Variants in LMO2 observed in about 807,000 individuals in gnomAD.
LMO2 encodes rhombotin-2.
Under a neutral mutation model 23.2 loss-of-function variants are expected in LMO2, and 20 were observed. The ratio of observed to expected loss-of-function variants is 0.86; its 90% CI spans 0.61 to 1.25. The LOEUF (loss-of-function observed/expected upper bound fraction) is 1.25, where lower values mean the gene tolerates loss of function less well. Ranked by LOEUF, LMO2 falls within the 50% of genes most tolerant of loss-of-function variation. The pLI, the probability that LMO2 is intolerant of heterozygous loss-of-function variation, is 0.00. For synonymous variants in LMO2, 123 were observed against 130.2 expected, an observed-to-expected ratio of 0.94 and a Z score of 0.38; for missense variants, 270 against 315.3, an observed-to-expected ratio of 0.86 and a Z score of 1.09.
chr11:33,866,985 G>C (rs990360599), intron 4 of LMO2, among the ~76,000 whole-genome samples: 1 of 152,096 alleles, frequency 6.6e-6, no homozygotes, highest in African/African-American at 2.4e-5. Flanking sequence ...ACAGCCCATG[G>C]TCTTACTCTG....
chr11:33,891,387 A>G (rs1305689830), intron 1 of LMO2, among the ~76,000 whole-genome samples: 5 of 44,212 alleles, frequency 1.1e-4, no homozygotes, highest in African/African-American at 3.4e-4. Flanking sequence ...ACACACACAC[A>G]CATGCACACA....
chr11:33,891,381 ACACACACATG>A (rs1012431506), intron 1 of LMO2, among the ~76,000 whole-genome samples: 1 of 126,842 alleles, frequency 7.9e-6, no homozygotes, highest in African/African-American at 3.1e-5. Flanking sequence ...ACACACACAC[ACACACACATG>A]CACACACACT....
In LMO2 at chr11:33,871,517, A is replaced by G. The variant is rs920266044; in HGVS notation, c.-271-1530T>C. 4.3e-5 allele frequency among the ~76,000 whole-genome samples: 6 copies of G among 139,968 alleles called. No homozygotes were observed. The East Asian group carries it at 1.3e-3, about 31-fold the overall frequency. The allele number at this position is 139,968 out of a possible 152,430, so 91.8% of individuals were successfully genotyped here. On this transcript the variant is annotated intron_variant, in intron 2 of 5. Transcript: ENST00000257818. ...CAGGAGGTTGAGGCTGCAGTGAGCC[A>G]TGATCGCACCATTGCCCCCCAGTCT...
In LMO2 at chr11:33,859,982, T is replaced by A. The variant is rs1856510921; in HGVS notation, c.465-407A>T. On this transcript the variant is annotated intron_variant, in intron 5 of 5. Coordinates refer to ENST00000257818, the MANE Select transcript of LMO2 (RefSeq NM_005574.4). ...TGGAGAGAGACCCTAGGGGCCCCTT[T>A]GAGAGGGTACTGACCAGGAATGCAA... Among the ~76,000 whole-genome samples the A allele has an allele frequency of 3.3e-5, 5 of 152,076 alleles. No homozygotes were observed. The South Asian group carries it at 1.0e-3, about 32-fold the overall frequency.
chr11:33,886,070 G>A (rs982749061), intron 1 of LMO2, among the ~76,000 whole-genome samples: 4 of 152,100 alleles, frequency 2.6e-5, no homozygotes, highest in African/African-American at 9.7e-5. Flanking sequence ...TAGAGACGGG[G>A]TTTCACCATG....
chr11:33,862,042 G>T (rs1244217443), intron 5 of LMO2, among the ~76,000 whole-genome samples: 1 of 152,210 alleles, frequency 6.6e-6, no homozygotes, highest in Non-Finnish European at 1.5e-5. Context: ...CCAAGAATTG[G>T]TATCTTAGGC....
chr11:33,879,816 C>T (rs1449982187), intron 2 of LMO2, among the ~76,000 whole-genome samples: 1 of 152,036 alleles, frequency 6.6e-6, no homozygotes, highest in African/African-American at 2.4e-5. Context: ...TACTGCATAC[C>T]CATTAGGATG....
chr11:33,870,632 C>T (rs1293775287), intron 2 of LMO2: 15 of 940,950 alleles, frequency 1.6e-5, no homozygotes, highest in Middle Eastern at 5.4e-4. Context: ...CACGCGGGGC[C>T]GGGGCTCCTC....
rs555171780 is a variant in LMO2 at position 33,873,072 on chromosome 11, T to TG, written c.-271-3086dup. On this transcript the variant is annotated intron_variant, in intron 2 of 5. Transcript: ENST00000257818. ...GCCACCGCGCCTGGCCACATCTGCT[T>TG]GTTTTTATTTAATCTGATAAATTAT... Among the ~76,000 whole-genome samples, 19 of 152,252 alleles carry TG rather than the reference T, an allele frequency of 1.2e-4. 1 individual carries two copies. The East Asian group carries it at 3.5e-3, about 28-fold the overall frequency.
At position 33,859,601 on chromosome 11, in the gene LMO2, G is replaced by A. The variant is rs768807924; in HGVS notation, c.465-26C>T. 71 of 1,607,116 alleles carry A rather than the reference G, an allele frequency of 4.4e-5. No homozygotes were observed. In the South Asian group the frequency reaches 7.6e-4, roughly 17 times the overall value. ...CTGGGGCAAAAGAAAGAAAAGCTAA[G>A]AAGACAGTGAAAGGGACAATCCTGG... On this transcript the variant is annotated intron_variant, in intron 5 of 5. Coordinates refer to ENST00000257818, the MANE Select transcript of LMO2 (RefSeq NM_005574.4).
chr11:33,866,939 T>C (rs1856808959), intron 4 of LMO2, among the ~76,000 whole-genome samples: 1 of 152,224 alleles, frequency 6.6e-6, no homozygotes. Context: ...AGCTTTTTCA[T>C]GTGTATCAAC....
At chr11:33,873,204 G>A (rs1021686959) in intron 2 of LMO2, among the ~76,000 whole-genome samples, 4 of 152,140 alleles carry the variant, frequency 2.6e-5, no homozygotes, top group South Asian at 2.1e-4. Flanking sequence ...AGGGCATAAC[G>A]TTTCTTTTTA....
intron 2 of LMO2, among the ~76,000 whole-genome samples, chr11:33,876,555 T>C (rs1857142051): frequency 6.6e-6 from 1 of 152,252 alleles, no homozygotes; most frequent in Non-Finnish European, 1.5e-5. Context: ...AGAAGAATAA[T>C]GGTCCAGATA....
intron 2 of LMO2, among the ~76,000 whole-genome samples, chr11:33,879,474 A>G (rs1857212259): frequency 6.6e-6 from 1 of 151,614 alleles, no homozygotes. Flanking sequence ...AAAAAAAAAA[A>G]AAAAATAGCC....
At chr11:33,862,303 G>C (rs1204270305) in intron 5 of LMO2, among the ~76,000 whole-genome samples, 1 of 152,176 alleles carries the variant, frequency 6.6e-6, no homozygotes, top group East Asian at 1.9e-4. Flanking sequence ...GGTCCGTTGG[G>C]GGTCTAGTTG....
chr11:33,862,545 C>T (rs969062290), intron 5 of LMO2, among the ~76,000 whole-genome samples: 11 of 152,090 alleles, frequency 7.2e-5, no homozygotes, highest in Non-Finnish European at 8.8e-5. Flanking sequence ...AGCTAAATGT[C>T]GGAAAAGAAC....
chr11:33,870,498 G>C (rs917463175), intron 2 of LMO2: 328 of 986,950 alleles, frequency 3.3e-4, no homozygotes, highest in Non-Finnish European at 3.6e-4. Flanking sequence ...CGGGCTGCGG[G>C]CTCCGGGCTG....
chr11:33,869,743 G>T lies in LMO2; in HGVS notation c.-27C>A. On this transcript the variant is annotated 5_prime_UTR_variant, in exon 3 of 6. Coordinates refer to ENST00000257818, the MANE Select transcript of LMO2 (RefSeq NM_005574.4). ...CCGGTCCCGCCGCCGCCACCGCCCG[G>T]TCCCTCTCGCGCGCTGTCGCCGGCT... The T allele has an allele frequency of 7.9e-7, 1 of 1,266,634 alleles. No homozygotes were observed. The highest frequency in any genetic ancestry group is 1.0e-6 in the Non-Finnish European group (1 of 992,326). The allele number at this position is 1,266,634 out of a possible 1,614,324, so 78.5% of individuals were successfully genotyped here.
chr11:33,871,621 T>A (rs1857026034), intron 2 of LMO2, among the ~76,000 whole-genome samples: 1 of 150,164 alleles, frequency 6.7e-6, no homozygotes, highest in South Asian at 2.1e-4. Context: ...TAGACCCTTG[T>A]TTTTAATTTA....
Sources: allele counts gnomAD v4.1 joint callset (sites outside exome capture counted in the v4.1 genomes callset), GRCh38; gene constraint gnomAD v4.1.1; transcripts MANE v1.5; gene names NCBI Gene and HGNC (gene_info 2026-07-23, HGNC 2026-07-21).